R3HDM1: variants seen among roughly 807,000 people sequenced by gnomAD.
R3HDM1 encodes the protein R3H domain-containing protein 1.
Under a neutral mutation model 141.1 loss-of-function variants are expected in R3HDM1, and 46 were observed. The ratio of observed to expected loss-of-function variants is 0.33; its 90% CI spans 0.26 to 0.42. The LOEUF (loss-of-function observed/expected upper bound fraction) is 0.42, where lower values mean the gene tolerates loss of function less well. R3HDM1 is among the 10% of genes least tolerant of loss of function. The pLI, the probability that R3HDM1 is intolerant of heterozygous loss-of-function variation, is 1.00. For synonymous variants in R3HDM1, 435 were observed against 472.9 expected (o/e 0.92, Z 1.04); for missense variants, 1,184 against 1,368.3 (o/e 0.87, Z 2.12).
chr2:135,625,736 C>T (rs1037413409), intron 7 of R3HDM1, among the ~76,000 whole-genome samples: 31 of 152,072 alleles, frequency 2.0e-4, no homozygotes, highest in African/African-American at 7.2e-4. Context: ...GTCTCCTCAA[C>T]AATCATACCT....
At chr2:135,633,593 T>C (rs941743950) in intron 9 of R3HDM1, 2 of 143,380 alleles carry the variant, frequency 1.4e-5, no homozygotes, top group African/African-American at 5.1e-5. Flanking sequence ...CACTGTACTT[T>C]TTATATATAT....
chr2:135,569,728 TG>T (rs747180081), intron 1 of R3HDM1, among the ~76,000 whole-genome samples: 15,440 of 134,798 alleles, frequency 0.11, 1,296 homozygotes, highest in African/African-American at 0.21. Flanking sequence ...CTTTTTTTTT[TG>T]TTGTTGTTTT....
intron 3 of R3HDM1, among the ~76,000 whole-genome samples, chr2:135,610,326 T>C (rs576057614): frequency 3.9e-5 from 6 of 152,360 alleles, no homozygotes; most frequent in Admixed American, 2.6e-4. Context: ...GGAGTCCACA[T>C]TGTGTTGGTA....
chr2:135,654,286 G>A (rs892437171), intron 18 of R3HDM1, among the ~76,000 whole-genome samples: 1 of 151,686 alleles, frequency 6.6e-6, no homozygotes, highest in African/African-American at 2.4e-5. Context: ...GATCCACATC[G>A]TAGCATAGGC....
chr2:135,639,390 CAT>C (rs1224307465), intron 14 of R3HDM1, among the ~76,000 whole-genome samples: 1 of 152,124 alleles, frequency 6.6e-6, no homozygotes, highest in Admixed American at 6.5e-5. Context: ...TTCAATGAAA[CAT>C]TATCTCTTGA....
chr2:135,614,471 A>T (rs981012512), intron 3 of R3HDM1, among the ~76,000 whole-genome samples: 1 of 152,202 alleles, frequency 6.6e-6, no homozygotes, highest in Non-Finnish European at 1.5e-5. Flanking sequence ...CTACGCTTTC[A>T]CTGAATCCTT....
chr2:135,594,985 C>CCG (rs1553550426), intron 1 of R3HDM1, among the ~76,000 whole-genome samples: 3 of 151,732 alleles, frequency 2.0e-5, no homozygotes, highest in African/African-American at 7.3e-5. Context: ...ACACCCCCCC[C>CCG]CCTTTTCAAT....
chr2:135,549,276 C>T (rs1303529729), intron 1 of R3HDM1, among the ~76,000 whole-genome samples: 1 of 151,302 alleles, frequency 6.6e-6, no homozygotes, highest in Non-Finnish European at 1.5e-5. Context: ...GGGTCTTGGC[C>T]AGGCACGGTG....
intron 5 of R3HDM1, chr2:135,619,805 A>G: frequency 1.3e-6 from 1 of 765,208 alleles, no homozygotes; most frequent in Non-Finnish European, 1.6e-6. Context: ...TTGAGAGGCA[A>G]TTAAGAGAGA....
chr2:135,543,090 C>T (rs1697970358), intron 1 of R3HDM1: 2 of 984,068 alleles, frequency 2.0e-6, no homozygotes, highest in African/African-American at 1.7e-5. Context: ...AAGTAAAAGA[C>T]CACCAACTTG....
intron 1 of R3HDM1, among the ~76,000 whole-genome samples, chr2:135,545,815 C>T (rs1379872122): frequency 1.3e-5 from 2 of 152,138 alleles, no homozygotes; most frequent in Admixed American, 6.5e-5. Context: ...TTCCTGTCTT[C>T]TTAGTGTTTA....
intron 1 of R3HDM1, among the ~76,000 whole-genome samples, chr2:135,580,007 C>T (rs1168320677): frequency 6.6e-6 from 1 of 152,024 alleles, no homozygotes; most frequent in Non-Finnish European, 1.5e-5. Context: ...CACTGTAATC[C>T]CAGAACTTTG....
intron 16 of R3HDM1, among the ~76,000 whole-genome samples, chr2:135,647,052 C>G (rs1214202853): frequency 2.0e-5 from 3 of 152,060 alleles, no homozygotes; most frequent in Non-Finnish European, 2.9e-5. Flanking sequence ...GCAATTAAGA[C>G]TCCTAATACT....
intron 1 of R3HDM1, among the ~76,000 whole-genome samples, chr2:135,545,758 A>G (rs1698559965): frequency 6.6e-6 from 1 of 152,212 alleles, no homozygotes. Flanking sequence ...TTGGGGGGAC[A>G]CTTGTGACGT....
intron 21 of R3HDM1, among the ~76,000 whole-genome samples, chr2:135,700,559 A>C (rs1169821010): frequency 6.6e-6 from 1 of 152,240 alleles, no homozygotes; most frequent in Non-Finnish European, 1.5e-5. Context: ...CAAATGACTT[A>C]ACACACCTTG....
Position 135,619,844 on chromosome 2 carries a change from T to G in R3HDM1, c.304-1650T>G, listed in dbSNP as rs73956767. Reference sequence around the variant, plus strand: ...GTCACTTGTATCTGATGAGAGCTTGTGAGAGGGAAGTGACCTCAATAACAG... The same window carrying G: ...GTCACTTGTATCTGATGAGAGCTTGGGAGAGGGAAGTGACCTCAATAACAG... On this transcript the variant is annotated intron_variant, in intron 5 of 26. Coordinates refer to ENST00000683871, the MANE Select transcript of R3HDM1 (RefSeq NM_001378107.1). The G allele has an allele frequency of 3.9e-3, 1,778 of 452,914 alleles. 29 individuals are homozygous for G. Among genetic ancestry groups the G allele is most frequent in the African/African-American group, 0.036 (1,689 of 46,826 alleles). 28.1% of individuals were successfully genotyped at this position (452,914 alleles called of 1,614,324 possible).
At chr2:135,711,997 C>T (rs1301215717) in intron 23 of R3HDM1, among the ~76,000 whole-genome samples, 1 of 144,856 alleles carries the variant, frequency 6.9e-6, no homozygotes, top group African/African-American at 2.5e-5. Context: ...AAGAGTTGTC[C>T]GTTAGATATA....
chr2:135,658,604 T>C (rs1485496751), intron 18 of R3HDM1, among the ~76,000 whole-genome samples: 2 of 152,234 alleles, frequency 1.3e-5, no homozygotes, highest in Non-Finnish European at 2.9e-5. Flanking sequence ...ATAAACACTC[T>C]TAAATTAGGC....
chr2:135,538,063 A>G (rs758893234), intron 1 of R3HDM1, among the ~76,000 whole-genome samples: 7 of 152,210 alleles, frequency 4.6e-5, no homozygotes, highest in African/African-American at 7.2e-5. Flanking sequence ...TGTTGTGCCA[A>G]CATCATGGAG....
Sources: gnomAD v4.1 joint callset for allele counts (sites outside exome capture counted in the v4.1 genomes callset) on GRCh38, gnomAD v4.1.1 for gene constraint, MANE v1.5 for transcripts, NCBI Gene and HGNC (gene_info 2026-07-23, HGNC 2026-07-21) for gene names.